Variants in SPHKAP observed in about 807,000 individuals in gnomAD.
SPHKAP encodes the protein SPHK1 interactor, AKAP domain containing.
Under a neutral mutation model 137.5 loss-of-function variants are expected in SPHKAP, and 67 were observed. The observed-to-expected ratio is 0.49, with a 90% CI of 0.40 to 0.60. The LOEUF is 0.60. Among genes scored for constraint, SPHKAP ranks in the 20% least tolerant of loss-of-function variants. The pLI is 0.00. For synonymous variants in SPHKAP, 813 were observed against 785.3 expected, an observed-to-expected ratio of 1.04 and a Z score of -0.59; for missense variants, 2,097 against 2,069.3, an observed-to-expected ratio of 1.01 and a Z score of -0.26.
intron 1 of SPHKAP, among the ~76,000 whole-genome samples, chr2:228,159,879 G>T (rs1700224416): frequency 6.6e-6 from 1 of 152,078 alleles, no homozygotes; most frequent in South Asian, 2.1e-4. Flanking sequence ...GGGCATCTTT[G>T]CAGTCTCCTT....
intron 1 of SPHKAP, among the ~76,000 whole-genome samples, chr2:228,150,203 C>A (rs4569469): frequency 3.3e-4 from 50 of 152,202 alleles, no homozygotes; most frequent in African/African-American, 1.1e-3. Flanking sequence ...CTTTTTCACA[C>A]GTTGTGGAAC....
chr2:227,991,975 T>C (rs1323927259), intron 9 of SPHKAP, among the ~76,000 whole-genome samples: 1 of 152,158 alleles, frequency 6.6e-6, no homozygotes, highest in African/African-American at 2.4e-5. Context: ...ACTGAAGTAT[T>C]TCATTAGATA....
intron 1 of SPHKAP, among the ~76,000 whole-genome samples, chr2:228,137,696 C>T (rs1273882708): frequency 6.6e-6 from 1 of 152,056 alleles, no homozygotes; most frequent in Non-Finnish European, 1.5e-5. Flanking sequence ...AAAATTAAAA[C>T]TCAGAGCTAC....
chr2:228,091,386 G>A (rs979853860), intron 3 of SPHKAP, among the ~76,000 whole-genome samples: 2 of 152,080 alleles, frequency 1.3e-5, no homozygotes, highest in Non-Finnish European at 2.9e-5. Flanking sequence ...CAACCCAAAA[G>A]CAAATGCAAT....
At chr2:228,036,238 T>G (rs532575870) in intron 3 of SPHKAP, among the ~76,000 whole-genome samples, 2 of 151,818 alleles carry the variant, frequency 1.3e-5, no homozygotes, top group East Asian at 3.9e-4. Context: ...GAACAGACAC[T>G]TCTCAAAAGA....
At chr2:227,996,670 C>T (rs750209336) in intron 7 of SPHKAP, among the ~76,000 whole-genome samples, 12 of 152,146 alleles carry the variant, frequency 7.9e-5, no homozygotes, top group Non-Finnish European at 1.6e-4. Context: ...ACATCTAAAA[C>T]GAATTCTAAT....
intron 3 of SPHKAP, 56 bp from the exon 4 acceptor site, chr2:228,027,599 A>C: frequency 6.4e-7 from 1 of 1,555,232 alleles, no homozygotes; most frequent in East Asian, 2.2e-5. Flanking sequence ...CTGTCTTTTT[A>C]GAAGAAAGAA....
At chr2:228,156,307 T>C (rs1700105877) in intron 1 of SPHKAP, among the ~76,000 whole-genome samples, 1 of 152,210 alleles carries the variant, frequency 6.6e-6, no homozygotes, top group African/African-American at 2.4e-5. Context: ...ATGAAGTTTA[T>C]TGCTTTAAGC....
At chr2:228,179,160 T>C (rs1180618134) in intron 1 of SPHKAP, among the ~76,000 whole-genome samples, 4 of 152,188 alleles carry the variant, frequency 2.6e-5, no homozygotes, top group African/African-American at 9.6e-5. Context: ...ATGTCTTAAA[T>C]TGTTTTCTAA....
intron 1 of SPHKAP, among the ~76,000 whole-genome samples, chr2:228,180,688 C>G (rs566627487): frequency 6.6e-6 from 1 of 152,202 alleles, no homozygotes; most frequent in Non-Finnish European, 1.5e-5. Flanking sequence ...CCGCGCCCAG[C>G]GAGCGCAAAG....
chr2:228,015,714 A>G (rs1047733820), intron 7 of SPHKAP, among the ~76,000 whole-genome samples: 3 of 152,210 alleles, frequency 2.0e-5, no homozygotes, highest in Admixed American at 1.3e-4. Context: ...TTGCATTTAC[A>G]CTGCTAGAAT....
At chr2:228,027,960 GAAAAA>G in intron 3 of SPHKAP, 7 of 804,388 alleles carry the variant, frequency 8.7e-6, no homozygotes, top group African/African-American at 2.4e-5. Flanking sequence ...GACTGCATCT[GAAAAA>G]AAAAAAAAAA....
intron 2 of SPHKAP, among the ~76,000 whole-genome samples, chr2:228,113,416 A>G (rs1408371860): frequency 6.6e-6 from 1 of 152,134 alleles, no homozygotes; most frequent in African/African-American, 2.4e-5. Flanking sequence ...GATAGGCATT[A>G]GCTATCATCA....
intron 3 of SPHKAP, among the ~76,000 whole-genome samples, chr2:228,031,588 C>T (rs1314386218): frequency 1.3e-5 from 2 of 152,186 alleles, no homozygotes; most frequent in Non-Finnish European, 2.9e-5. Flanking sequence ...GTCCTTGACC[C>T]CCGAGCAGCC....
chr2:228,130,989 A>G (rs1403454586), intron 2 of SPHKAP, among the ~76,000 whole-genome samples: 2 of 152,116 alleles, frequency 1.3e-5, no homozygotes, highest in Non-Finnish European at 2.9e-5. Flanking sequence ...CCTTTCTGTA[A>G]TAAGTATATT....
At chr2:228,142,978 G>A (rs1443749029) in intron 1 of SPHKAP, among the ~76,000 whole-genome samples, 3 of 152,060 alleles carry the variant, frequency 2.0e-5, no homozygotes, top group Non-Finnish European at 4.4e-5. Context: ...AGTCAGCCAT[G>A]CTTTCCACGA....
At chr2:227,989,761 A>G (rs1051091203) in intron 11 of SPHKAP, among the ~76,000 whole-genome samples, 7 of 143,108 alleles carry the variant, frequency 4.9e-5, no homozygotes, top group Non-Finnish European at 7.5e-5. Flanking sequence ...GCCTGCCACC[A>G]TGCCTGGCTA....
intron 2 of SPHKAP, among the ~76,000 whole-genome samples, chr2:228,118,240 G>GTTT (rs71299665): frequency 3.5e-3 from 438 of 124,078 alleles, no homozygotes; most frequent in African/African-American, 0.011. Flanking sequence ...GAGATACACA[G>GTTT]TTTTTTTTTT....
intron 11 of SPHKAP, among the ~76,000 whole-genome samples, chr2:227,985,265 C>T (rs1344023391): frequency 1.3e-5 from 2 of 152,162 alleles, no homozygotes; most frequent in African/African-American, 2.4e-5. Flanking sequence ...CTAAATAGAG[C>T]ATGCTCTGAG....
Sources: gnomAD v4.1 joint callset for allele counts (sites outside exome capture counted in the v4.1 genomes callset) on GRCh38, gnomAD v4.1.1 for gene constraint, MANE v1.5 for transcripts, NCBI Gene and HGNC (gene_info 2026-07-23, HGNC 2026-07-21) for gene names.